FAM13A: variants seen among roughly 807,000 people sequenced by gnomAD.
The protein encoded by FAM13A is family with sequence similarity 13 member A, also known as protein FAM13A.
A neutral mutation model predicts 129.6 loss-of-function variants in FAM13A; 76 were observed. The ratio of observed to expected loss-of-function variants is 0.59; its 90% CI spans 0.49 to 0.71. FAM13A has a LOEUF of 0.71. Ranked by LOEUF, FAM13A falls within the 30% of genes least tolerant of loss-of-function variation. The pLI is 0.00. For missense variants in FAM13A, 1,108 were observed against 1,249.3 expected (o/e 0.89, Z 1.70); for synonymous variants, 443 against 449.9 (o/e 0.98, Z 0.20).
chr4:88,967,884 A>G (rs556001128), intron 4 of FAM13A, among the ~76,000 whole-genome samples: 1 of 152,310 alleles, frequency 6.6e-6, no homozygotes, highest in South Asian at 2.1e-4. Flanking sequence ...TTTTCCGGGT[A>G]TCACGTCTCT....
chr4:88,969,429 G>A (rs1191029277), intron 4 of FAM13A, among the ~76,000 whole-genome samples: 1 of 152,082 alleles, frequency 6.6e-6, no homozygotes, highest in African/African-American at 2.4e-5. Flanking sequence ...AAGCAGCTTG[G>A]CTCTAAAAGA....
In FAM13A at chr4:88,991,251, A is replaced by C. The variant is rs1579657753; in HGVS notation, c.428-101T>G. Reference sequence around the variant, plus strand: ...ATTCTAACATTTTATTCAGAAAAAAACTCTTGAGAGACTGAGATAGGCCTT... The same window carrying C: ...ATTCTAACATTTTATTCAGAAAAAACCTCTTGAGAGACTGAGATAGGCCTT... On this transcript the variant is annotated intron_variant, in intron 3 of 23. Transcript: ENST00000264344. 3.5e-6 allele frequency: 3 copies of C among 855,514 alleles called. No homozygotes were observed. The East Asian group carries it at 8.0e-5, about 23-fold the overall frequency. 53.0% of individuals were successfully genotyped at this position (855,514 alleles called of 1,614,324 possible).
chr4:88,892,487 TA>T (rs1005899803), intron 6 of FAM13A, among the ~76,000 whole-genome samples: 6 of 152,160 alleles, frequency 3.9e-5, no homozygotes, highest in African/African-American at 1.4e-4. Context: ...CCCTGTCTTC[TA>T]AAAGAAAGAA....
At chr4:89,016,857 A>C (rs994580524) in intron 3 of FAM13A, among the ~76,000 whole-genome samples, 1 of 151,376 alleles carries the variant, frequency 6.6e-6, no homozygotes, top group Non-Finnish European at 1.5e-5. Flanking sequence ...CTGATCTCAA[A>C]CTCCTGGGCT....
At chr4:88,762,076 A>G (rs1393614365) in intron 13 of FAM13A, among the ~76,000 whole-genome samples, 2 of 152,180 alleles carry the variant, frequency 1.3e-5, no homozygotes, top group East Asian at 1.9e-4. Flanking sequence ...TCTCTGTGAT[A>G]AAGTGACAGG....
chr4:88,743,053 C>T (rs1249363801), intron 19 of FAM13A, among the ~76,000 whole-genome samples: 1 of 152,142 alleles, frequency 6.6e-6, no homozygotes, highest in Non-Finnish European at 1.5e-5. Flanking sequence ...TGTATTTTTG[C>T]ACATAAGTCA....
At chr4:89,013,882 G>A (rs1579772409) in intron 3 of FAM13A, among the ~76,000 whole-genome samples, 1 of 152,320 alleles carries the variant, frequency 6.6e-6, no homozygotes, top group East Asian at 1.9e-4. Flanking sequence ...TAGAGTTTGT[G>A]CCTTCTCCCC....
chr4:89,032,871 T>A (rs1230574996), intron 1 of FAM13A, among the ~76,000 whole-genome samples: 1 of 152,174 alleles, frequency 6.6e-6, no homozygotes, highest in Non-Finnish European at 1.5e-5. Flanking sequence ...ATCAGATCCC[T>A]TCTCCGGGAA....
At chr4:88,844,890 A>G (rs1238612732) in intron 7 of FAM13A, among the ~76,000 whole-genome samples, 2 of 152,138 alleles carry the variant, frequency 1.3e-5, no homozygotes, top group Admixed American at 1.3e-4. Flanking sequence ...GGTAAGGAGT[A>G]GGGGAAGGGT....
chr4:88,990,111 A>G (rs181524199), intron 4 of FAM13A: 1 of 152,342 alleles, frequency 6.6e-6, no homozygotes, highest in Admixed American at 6.5e-5. Context: ...TAGTTATTAC[A>G]GTAGAACTTC....
chr4:88,805,089 T>G, intron 7 of FAM13A, 37 bp from the exon 8 acceptor site: 4 of 1,087,262 alleles, frequency 3.7e-6, no homozygotes, highest in Non-Finnish European at 5.5e-6. Context: ...ATATAATGTC[T>G]GTTAATATGA....
intron 5 of FAM13A, among the ~76,000 whole-genome samples, chr4:88,913,138 GGAAGAGGAA>G (rs1749386413): frequency 1.4e-5 from 2 of 144,258 alleles, no homozygotes; most frequent in Admixed American, 7.0e-5. Context: ...AGGAGGAAGA[GGAAGAGGAA>G]GAAGAGGAGG....
At chr4:88,908,147 A>G (rs975558174) in intron 5 of FAM13A, among the ~76,000 whole-genome samples, 1 of 152,226 alleles carries the variant, frequency 6.6e-6, no homozygotes, top group Non-Finnish European at 1.5e-5. Flanking sequence ...TCCCTAAATA[A>G]GTGTGCATTC....
intron 6 of FAM13A, among the ~76,000 whole-genome samples, chr4:88,893,414 T>G (rs966556685): frequency 5.3e-5 from 8 of 152,102 alleles, no homozygotes; most frequent in African/African-American, 1.7e-4. Flanking sequence ...CACGAGGTCA[T>G]GAGATTGAGA....
intron 1 of FAM13A, among the ~76,000 whole-genome samples, chr4:89,055,974 C>T (rs569283178): frequency 1.3e-5 from 2 of 152,196 alleles, no homozygotes; most frequent in South Asian, 4.2e-4. Context: ...CTTCAGAATG[C>T]CATCAGAAGC....
At chr4:88,882,818 A>G (rs1743808262) in intron 6 of FAM13A, among the ~76,000 whole-genome samples, 1 of 152,158 alleles carries the variant, frequency 6.6e-6, no homozygotes, top group Non-Finnish European at 1.5e-5. Flanking sequence ...AAGGGTTGGA[A>G]AAAGATATTT....
In FAM13A at chr4:88,906,492, A is replaced by C; in HGVS notation, c.760-30T>G. On this transcript the variant is annotated intron_variant, in intron 5 of 23. Coordinates refer to ENST00000264344, the MANE Select transcript of FAM13A (RefSeq NM_014883.4). ...AAAAGAAGTATAAAGGAAACATTAG[A>C]GATTAAAGAACACTTACCCTAACCA... The C allele has an allele frequency of 2.0e-6, 3 of 1,482,156 alleles. 1 individual carries two copies. Among genetic ancestry groups the C allele is most frequent in the Middle Eastern group, 1.7e-4 (1 of 5,748 alleles). 91.8% of individuals were successfully genotyped at this position (1,482,156 alleles called of 1,614,324 possible).
At chr4:88,824,661 C>A (rs1019744685) in intron 7 of FAM13A, among the ~76,000 whole-genome samples, 6 of 151,944 alleles carry the variant, frequency 3.9e-5, no homozygotes, top group African/African-American at 1.2e-4. Context: ...ATTTCCATAC[C>A]ATTTTTATTT....
intron 4 of FAM13A, among the ~76,000 whole-genome samples, chr4:88,940,531 G>C (rs1754578717): frequency 6.6e-6 from 1 of 152,118 alleles, no homozygotes; most frequent in African/African-American, 2.4e-5. Context: ...AAAAATGAAA[G>C]GGGACATGAT....
Sources: gnomAD v4.1 joint callset for allele counts (sites outside exome capture counted in the v4.1 genomes callset) on GRCh38, gnomAD v4.1.1 for gene constraint, MANE v1.5 for transcripts, NCBI Gene and HGNC (gene_info 2026-07-23, HGNC 2026-07-21) for gene names.